Variants in EPHA4 observed in about 807,000 individuals in gnomAD.
The protein encoded by EPHA4 is ephrin type-A receptor 4.
A neutral mutation model predicts 108.3 loss-of-function variants in EPHA4; 19 were observed. The observed-to-expected ratio is 0.18, with a 90% confidence interval of 0.12 to 0.26. The LOEUF is 0.26. Ranked by LOEUF, EPHA4 falls within the 10% of genes least tolerant of loss-of-function variation. The pLI, the probability that EPHA4 is intolerant of heterozygous loss-of-function variation, is 1.00. For missense variants in EPHA4, 917 were observed against 1,254.0 expected (o/e 0.73, Z 4.06); for synonymous variants, 449 against 455.5 (o/e 0.99, Z 0.18).
chr2:221,512,682 G>T (rs560739813), intron 3 of EPHA4, among the ~76,000 whole-genome samples: 1 of 152,240 alleles, frequency 6.6e-6, no homozygotes, highest in Admixed American at 6.5e-5. Flanking sequence ...TAATACACGG[G>T]TCTATGCAGA....
At chr2:221,514,071 G>C (rs1275041299) in intron 3 of EPHA4, among the ~76,000 whole-genome samples, 6 of 134,840 alleles carry the variant, frequency 4.4e-5, no homozygotes, top group African/African-American at 1.8e-4. Context: ...CACGGACTCA[G>C]TTATACTCCT....
intron 12 of EPHA4, 83 bp downstream of exon 12, chr2:221,436,978 A>G: frequency 2.0e-6 from 2 of 1,007,242 alleles, no homozygotes; most frequent in Non-Finnish European, 1.5e-6. Flanking sequence ...CACGAATACC[A>G]CCGAACACAA....
intron 5 of EPHA4, among the ~76,000 whole-genome samples, chr2:221,466,099 G>A (rs1057277668): frequency 5.9e-5 from 9 of 152,296 alleles, no homozygotes; most frequent in East Asian, 1.9e-4. Context: ...CAGAGGCCGC[G>A]TGGCTTCCCA....
intron 3 of EPHA4, among the ~76,000 whole-genome samples, chr2:221,527,115 C>T (rs1693356876): frequency 6.6e-6 from 1 of 152,030 alleles, no homozygotes; most frequent in Non-Finnish European, 1.5e-5. Context: ...CAGAGTGAGA[C>T]TCTGTCTAAA....
intron 15 of EPHA4, among the ~76,000 whole-genome samples, chr2:221,427,153 C>T (rs1689936674): frequency 6.6e-6 from 1 of 152,174 alleles, no homozygotes; most frequent in Non-Finnish European, 1.5e-5. Context: ...GGCATTCAAA[C>T]AAACTTGGGA....
chr2:221,560,537 G>C (rs959091566), intron 3 of EPHA4, among the ~76,000 whole-genome samples: 4 of 152,162 alleles, frequency 2.6e-5, no homozygotes, highest in African/African-American at 9.7e-5. Context: ...TGATATCAAG[G>C]AGTGGTCAGG....
chr2:221,481,583 G>A (rs1156357498), intron 5 of EPHA4, among the ~76,000 whole-genome samples: 1 of 152,116 alleles, frequency 6.6e-6, no homozygotes, highest in Non-Finnish European at 1.5e-5. Flanking sequence ...GAACTCCAGA[G>A]ATGGAGGTTG....
chr2:221,543,844 C>T (rs996859638), intron 3 of EPHA4, among the ~76,000 whole-genome samples: 1 of 152,020 alleles, frequency 6.6e-6, no homozygotes, highest in East Asian at 1.9e-4. Context: ...CTTTAGGATG[C>T]CATGTATCTT....
At chr2:221,521,400 A>G (rs1693161322) in intron 3 of EPHA4, among the ~76,000 whole-genome samples, 1 of 152,212 alleles carries the variant, frequency 6.6e-6, no homozygotes, top group African/African-American at 2.4e-5. Flanking sequence ...TAGAGATGCT[A>G]TAGCCAAAAT....
In EPHA4 at chr2:221,442,825, G is replaced by A. The variant is rs558863612; in HGVS notation, c.2074+4C>T. 97 of 1,613,938 alleles carry A rather than the reference G, an allele frequency of 6.0e-5. No individual in the cohort carries two copies. Among genetic ancestry groups the A allele is most frequent in the South Asian group, 7.7e-5 (7 of 91,066 alleles). On this transcript the variant is annotated splice_donor_region_variant and intron_variant, in intron 11 of 17. Transcript: ENST00000281821. ...TGGCTTTGTAAAGGGGGTGACCCAC[G>A]TACATTTAGTGACCACGCCTTCCAA...
At position 221,526,852 on chromosome 2, in the gene EPHA4, CAAAAAAAAAAAAAAAAAAAAAAAAAAAA is replaced by C. The variant is rs528335766; in HGVS notation, c.824-25708_824-25681del. On this transcript the variant is annotated intron_variant, in intron 3 of 17. Coordinates refer to ENST00000281821, the MANE Select transcript of EPHA4 (RefSeq NM_004438.5). ...TGGGCAATATAGCCAGACTCGGCCT[CAAAAAAAAAAAAAAAAAAAAAAAAAAAA>C]AAAAAAAAAAAAAAAATTGACACAC... is the stretch of plus-strand genomic sequence containing the variant. 5.1e-4 allele frequency among the ~76,000 whole-genome samples: 25 copies of C among 48,618 alleles called. 1 individual carries two copies. Among genetic ancestry groups the C allele is most frequent in the African/African-American group, 1.7e-3 (21 of 12,068 alleles). 31.9% of individuals were successfully genotyped at this position (48,618 alleles called of 152,430 possible).
intron 5 of EPHA4, among the ~76,000 whole-genome samples, chr2:221,467,161 A>C (rs1218812330): frequency 6.6e-6 from 1 of 152,220 alleles, no homozygotes; most frequent in Non-Finnish European, 1.5e-5. Context: ...ATTACCAAAT[A>C]AAATAATTAG....
intron 1 of EPHA4, among the ~76,000 whole-genome samples, chr2:221,570,818 G>T (rs909408746): frequency 6.6e-6 from 1 of 152,072 alleles, no homozygotes; most frequent in Non-Finnish European, 1.5e-5. Flanking sequence ...ATGGACGGAC[G>T]GACGGACAGA....
At chr2:221,437,643 G>A (rs1690282931) in intron 11 of EPHA4, 1 of 152,256 alleles carries the variant, frequency 6.6e-6, no homozygotes, top group Admixed American at 6.6e-5. Flanking sequence ...CGGGTTCGGT[G>A]GCTCATGCCT....
chr2:221,456,078 A>G (rs1048229378), intron 7 of EPHA4, among the ~76,000 whole-genome samples: 3 of 152,128 alleles, frequency 2.0e-5, no homozygotes, highest in Non-Finnish European at 4.4e-5. Context: ...ATGCTTGTTC[A>G]TGGGTAGACC....
chr2:221,469,402 C>T (rs1053684397), intron 5 of EPHA4, among the ~76,000 whole-genome samples: 1 of 152,150 alleles, frequency 6.6e-6, no homozygotes, highest in East Asian at 1.9e-4. Context: ...AAAGCACCAA[C>T]ACGAGAGGCT....
At position 221,466,643 on chromosome 2, in the gene EPHA4, T is replaced by C. The variant is rs566334151; in HGVS notation, c.1319-8653A>G. Among the ~76,000 whole-genome samples, 16 of 152,346 alleles carry C rather than the reference T, an allele frequency of 1.1e-4. No individual in the cohort carries two copies. The East Asian group carries it at 2.9e-3, about 28-fold the overall frequency. Reference sequence around the variant, plus strand: ...CACGAAACTAGCATTTATTGAGTAATTATGATGTGCTGAGCATTGTTCTAA... The same window carrying C: ...CACGAAACTAGCATTTATTGAGTAACTATGATGTGCTGAGCATTGTTCTAA... On this transcript the variant is annotated intron_variant, in intron 5 of 17. Coordinates refer to ENST00000281821, the MANE Select transcript of EPHA4 (RefSeq NM_004438.5).
chr2:221,502,321 A>G (rs1368230531), intron 3 of EPHA4, among the ~76,000 whole-genome samples: 2 of 152,160 alleles, frequency 1.3e-5, no homozygotes, highest in Non-Finnish European at 2.9e-5. Flanking sequence ...GAGTAAAGTT[A>G]TTTCATAACA....
At chr2:221,540,345 C>T (rs1574645979) in intron 3 of EPHA4, among the ~76,000 whole-genome samples, 1 of 152,238 alleles carries the variant, frequency 6.6e-6, no homozygotes, top group Non-Finnish European at 1.5e-5. Context: ...GTCTGCACTG[C>T]AGCCAGTGAA....
Sources: gnomAD v4.1 joint callset for allele counts (sites outside exome capture counted in the v4.1 genomes callset) on GRCh38, gnomAD v4.1.1 for gene constraint, MANE v1.5 for transcripts, NCBI Gene and HGNC (gene_info 2026-07-23, HGNC 2026-07-21) for gene names.